Variants in TOM1L1 observed in about 807,000 individuals in gnomAD.
The protein encoded by TOM1L1 is target of myb1 like 1 membrane trafficking protein.
TOM1L1 carries 64 observed loss-of-function variants against 63.4 expected under a neutral mutation model. The ratio of observed to expected loss-of-function variants is 1.01; its 90% CI spans 0.83 to 1.24. The LOEUF (loss-of-function observed/expected upper bound fraction) is 1.24, where lower values mean the gene tolerates loss of function less well. Ranked by LOEUF, TOM1L1 falls within the 50% of genes most tolerant of loss-of-function variation. The pLI is 0.00. For missense variants in TOM1L1, 536 were observed against 567.0 expected (o/e 0.95, Z 0.55); for synonymous variants, 166 against 194.4 (o/e 0.85, Z 1.22).
At chr17:54,917,830 A>T (rs1338415204) in intron 7 of TOM1L1, among the ~76,000 whole-genome samples, 2 of 152,198 alleles carry the variant, frequency 1.3e-5, no homozygotes, top group African/African-American at 4.8e-5. Flanking sequence ...ACATGGGATG[A>T]TGCTGTTTGG....
intron 14 of TOM1L1, among the ~76,000 whole-genome samples, chr17:54,958,814 A>T (rs1349431677): frequency 6.6e-6 from 1 of 151,604 alleles, no homozygotes; most frequent in Non-Finnish European, 1.5e-5. Flanking sequence ...TAAAGGCTGT[A>T]CTTTGTATAA....
At chr17:54,929,065 T>C (rs2048814061) in intron 7 of TOM1L1, among the ~76,000 whole-genome samples, 1 of 152,214 alleles carries the variant, frequency 6.6e-6, no homozygotes, top group Admixed American at 6.5e-5. Context: ...GTGCAGTGTT[T>C]AAGGAAGTTC....
chr17:54,926,797 G>A (rs1311600221), intron 7 of TOM1L1, among the ~76,000 whole-genome samples: 1 of 152,216 alleles, frequency 6.6e-6, no homozygotes, highest in Non-Finnish European at 1.5e-5. Context: ...GGCTGCATAT[G>A]CAGAAAGAAT....
intron 1 of TOM1L1, among the ~76,000 whole-genome samples, chr17:54,902,105 T>A (rs2048336169): frequency 6.6e-6 from 1 of 152,200 alleles, no homozygotes; most frequent in Non-Finnish European, 1.5e-5. Context: ...ACTCACTTTC[T>A]TGTAGAGAAG....
chr17:54,903,953 G>T (rs1462305385), intron 2 of TOM1L1, among the ~76,000 whole-genome samples, 161 bp downstream of exon 2: 2 of 152,080 alleles, frequency 1.3e-5, no homozygotes, highest in African/African-American at 4.8e-5. Context: ...TGAAATATTG[G>T]GGCAGCTGCT....
At position 54,961,352 on chromosome 17, in the gene TOM1L1, G is replaced by A; in HGVS notation, c.*119G>A. ...CTACCAACATGTCAAAGCCATGGTG[G>A]CACATTTCTGCTATAATGAAGATTA... On this transcript the variant is annotated 3_prime_UTR_variant, in exon 16 of 16. Coordinates refer to ENST00000575882, the MANE Select transcript of TOM1L1 (RefSeq NM_005486.3). 1 of 1,551,204 alleles carries A rather than the reference G, an allele frequency of 6.4e-7. No individual in the cohort carries two copies. Among genetic ancestry groups the A allele is most frequent in the African/African-American group, 1.4e-5 (1 of 73,138 alleles).
intron 7 of TOM1L1, among the ~76,000 whole-genome samples, chr17:54,924,143 G>A (rs1384941171): frequency 2.6e-5 from 4 of 151,954 alleles, no homozygotes; most frequent in Admixed American, 1.3e-4. Flanking sequence ...TTCTGTTTCC[G>A]TGGCACGTGC....
At chr17:54,916,303 A>G (rs2048588096) in intron 7 of TOM1L1, 1 of 169,972 alleles carries the variant, frequency 5.9e-6, no homozygotes, top group Admixed American at 6.2e-5. Context: ...TAGATACTGT[A>G]GTATAAATTT....
chr17:54,942,047 A>G (rs905755499), intron 11 of TOM1L1, among the ~76,000 whole-genome samples: 2 of 152,222 alleles, frequency 1.3e-5, no homozygotes, highest in Non-Finnish European at 2.9e-5. Context: ...GCAGTTTTTC[A>G]TAACAGAAAG....
chr17:54,901,043 C>T (rs904852076), intron 1 of TOM1L1, 120 bp downstream of exon 1: 3 of 1,374,230 alleles, frequency 2.2e-6, no homozygotes, highest in East Asian at 2.5e-5. Context: ...TTATTCCCCT[C>T]CCCCCGCAAC....
At chr17:54,960,473 G>A in intron 14 of TOM1L1, 93 bp from the exon 15 acceptor site, 1 of 894,628 alleles carries the variant, frequency 1.1e-6, no homozygotes, top group Non-Finnish European at 1.9e-6. Context: ...TCCAAAACCA[G>A]CTCAATTTTT....
chr17:54,941,463 C>T (rs2877638), intron 11 of TOM1L1, among the ~76,000 whole-genome samples: 95,936 of 151,434 alleles, frequency 0.63, 31,432 homozygotes, highest in African/African-American at 0.81. Flanking sequence ...TCAGTATCTT[C>T]TGTTGGCTAC....
At chr17:54,956,152 ATTATT>A (rs1343872948) in intron 14 of TOM1L1, among the ~76,000 whole-genome samples, 1 of 152,144 alleles carries the variant, frequency 6.6e-6, no homozygotes, top group Non-Finnish European at 1.5e-5. Context: ...ACAGGTTATT[ATTATT>A]TTTTCTTGAC....
intron 14 of TOM1L1, chr17:54,953,711 ATCT>A (rs1443461629): frequency 2.0e-5 from 3 of 152,162 alleles, no homozygotes; most frequent in South Asian, 4.1e-4. Context: ...GGGCTGCCGC[ATCT>A]TCTTGTCTTC....
chr17:54,907,117 T>A (rs2048424358), intron 3 of TOM1L1, among the ~76,000 whole-genome samples: 2 of 151,586 alleles, frequency 1.3e-5, no homozygotes, highest in Admixed American at 1.3e-4. Flanking sequence ...CACATTGGGA[T>A]CTGAATATAG....
At position 54,950,053 on chromosome 17, in the gene TOM1L1, A is replaced by G. The variant is rs1294954042; in HGVS notation, c.1297A>G (p.Lys433Glu). 2 of 1,613,932 alleles carry G rather than the reference A, an allele frequency of 1.2e-6. No individual in the cohort carries two copies. Among genetic ancestry groups the G allele is most frequent in the Admixed American group, 1.7e-5 (1 of 59,996 alleles). Reference sequence around the variant, plus strand: ...TCTTTTTTTGCCCAAAGCGATGACAAAAAGTGATCTCCAGCCACCTAATTA... The same window carrying G: ...TCTTTTTTTGCCCAAAGCGATGACAGAAAGTGATCTCCAGCCACCTAATTA... ...PLPSNHPAMT[K>E]SDLQPPNYYE... Residue 433 changes from lysine to glutamate, a missense_variant, in exon 14 of 16, where the codon AAA (lysine) becomes GAA (glutamate). Physicochemically the swap from Lys to Glu is moderately conservative, Grantham distance 56. Transcript: ENST00000575882.
chr17:54,910,599 A>G (rs944971352), intron 3 of TOM1L1, among the ~76,000 whole-genome samples: 2 of 152,228 alleles, frequency 1.3e-5, no homozygotes, highest in African/African-American at 2.4e-5. Context: ...ATTGAGCTAG[A>G]AGCACTTTTC....
chr17:54,913,362 G>T (rs1198229470), intron 4 of TOM1L1, among the ~76,000 whole-genome samples: 1 of 152,054 alleles, frequency 6.6e-6, no homozygotes, highest in East Asian at 1.9e-4. Flanking sequence ...TTTTCTATCA[G>T]GAGCTTAAGA....
chr17:54,947,278 G>C lies in TOM1L1; in HGVS notation c.1148G>C (p.Ser383Thr). The C allele has an allele frequency of 1.9e-6, 3 of 1,614,106 alleles. No homozygotes were observed. Among genetic ancestry groups the C allele is most frequent in the Non-Finnish European group, 2.5e-6 (3 of 1,180,012 alleles). Reference protein sequence around the residue: ...TEIPPFAQRTSQNLTSSHAYD... With the variant: ...TEIPPFAQRTTQNLTSSHAYD... The stretch of plus-strand genomic sequence containing the variant: ...TATCCTAGGTTTGCCCAAAGGACCA[G>C]CCAAAACCTCACCTCAAGCCACGCA... Residue 383 changes from serine to threonine, a missense_variant, in exon 12 of 16, where the codon AGC becomes ACC. Ser to Thr is a moderately conservative substitution (Grantham distance 58, BLOSUM62 1). Transcript: ENST00000575882.
Sources: gnomAD v4.1 joint callset for allele counts (sites outside exome capture counted in the v4.1 genomes callset) on GRCh38, gnomAD v4.1.1 for gene constraint, MANE v1.5 for transcripts, NCBI Gene and HGNC (gene_info 2026-07-23, HGNC 2026-07-21) for gene names.